PIK3CB: variants seen among roughly 807,000 people sequenced by gnomAD.
The protein encoded by PIK3CB is phosphatidylinositol-4,5-bisphosphate 3-kinase catalytic subunit beta.
A neutral mutation model predicts 136.8 loss-of-function variants in PIK3CB; 39 were observed. The ratio of observed to expected loss-of-function variants is 0.29; its 90% CI spans 0.22 to 0.37. The LOEUF is 0.37. Among genes scored for constraint, PIK3CB ranks in the 10% least tolerant of loss-of-function variants. The pLI is 1.00. For synonymous variants in PIK3CB, 428 were observed against 436.6 expected, an observed-to-expected ratio of 0.98 and a Z score of 0.25; for missense variants, 868 against 1,275.4, an observed-to-expected ratio of 0.68 and a Z score of 4.87.
intron 1 of PIK3CB, among the ~76,000 whole-genome samples, chr3:138,826,642 A>G (rs1933797943): frequency 6.6e-6 from 1 of 152,092 alleles, no homozygotes; most frequent in Non-Finnish European, 1.5e-5. Context: ...TGAGAAAAAA[A>G]AAAAAGATAT....
At chr3:138,731,111 C>T (rs1469455123) in intron 8 of PIK3CB, among the ~76,000 whole-genome samples, 1 of 152,114 alleles carries the variant, frequency 6.6e-6, no homozygotes, top group Non-Finnish European at 1.5e-5. Flanking sequence ...ACAACCAAAA[C>T]CCCTTTAATT....
intron 20 of PIK3CB, 58 bp from the exon 21 acceptor site, chr3:138,664,087 T>A: frequency 6.3e-7 from 1 of 1,585,682 alleles, no homozygotes; most frequent in South Asian, 1.1e-5. Flanking sequence ...GCGTGTAGAG[T>A]GAGACCCAAA....
chr3:138,749,011 AAC>A (rs928644471), intron 4 of PIK3CB, among the ~76,000 whole-genome samples: 9 of 152,158 alleles, frequency 5.9e-5, no homozygotes, highest in African/African-American at 1.9e-4. Flanking sequence ...AGAAAAATAA[AAC>A]ACAGCAAAGG....
rs2043957785 is a variant in PIK3CB, at chr3:138,689,245, G to A, written c.2037-271C>T. ...AAAAAGTGTAGCTAGATGTCGCTAG[G>A]TGACTAGGTTCTAGCCAACAGGATG... On this transcript the variant is annotated intron_variant, in intron 15 of 23. Transcript: ENST00000674063. 2.0e-5 allele frequency among the ~76,000 whole-genome samples: 3 copies of A among 152,126 alleles called. No homozygotes were observed. In the South Asian group the frequency reaches 6.2e-4, roughly 32 times the overall value.
chr3:138,783,291 ATTTT>A (rs947038912), intron 2 of PIK3CB, among the ~76,000 whole-genome samples: 1 of 149,854 alleles, frequency 6.7e-6, no homozygotes, highest in South Asian at 2.1e-4. Flanking sequence ...TTTTTTTTTA[ATTTT>A]TTTTGGGACA....
At position 138,832,467 on chromosome 3, in the gene PIK3CB, G is replaced by A. The variant is rs528405307; in HGVS notation, c.-122+2228C>T. On this transcript the variant is annotated intron_variant, in intron 1 of 23. Coordinates refer to ENST00000674063, the MANE Select transcript of PIK3CB (RefSeq NM_006219.3). ...AGCATTTTGGGAGGCCCAGGCTGGC[G>A]GATCATTTGAGCCCAGGAGATCAAG... is the stretch of plus-strand genomic sequence containing the variant. Among the ~76,000 whole-genome samples the A allele has an allele frequency of 3.3e-5, 5 of 152,116 alleles. No individual in the cohort carries two copies. In the South Asian group the frequency reaches 1.0e-3, roughly 32 times the overall value.
rs193209851 is a variant in PIK3CB at position 138,794,898 on chromosome 3, G to A, written c.-17+1565C>T. Among the ~76,000 whole-genome samples the A allele has an allele frequency of 1.1e-3, 171 of 152,196 alleles. 1 individual carries two copies. The highest frequency in any genetic ancestry group is 4.0e-3 in the African/African-American group (168 of 41,538). ...GTATACTTTAAATCACCTCTTGCTG[G>A]GTGAGCCTGGTGGCTTACACCTGTA... On this transcript the variant is annotated intron_variant, in intron 2 of 23. Transcript: ENST00000674063.
chr3:138,827,540 G>T (rs1933835930), intron 1 of PIK3CB, among the ~76,000 whole-genome samples: 1 of 152,010 alleles, frequency 6.6e-6, no homozygotes, highest in African/African-American at 2.4e-5. Context: ...AGGCATGATG[G>T]TATATGCCTA....
chr3:138,780,642 T>TAA (rs10676431), intron 2 of PIK3CB, among the ~76,000 whole-genome samples: 126,642 of 152,002 alleles, frequency 0.83, 53,446 homozygotes, highest in East Asian at 0.99. Flanking sequence ...GTGGGCTAAA[T>TAA]GTTTTTAAAA....
At chr3:138,770,381 C>T (rs921726190) in intron 2 of PIK3CB, 2 of 152,082 alleles carry the variant, frequency 1.3e-5, no homozygotes, top group African/African-American at 4.8e-5. Flanking sequence ...TATAGGTGAA[C>T]AAATTCAACC....
At chr3:138,823,392 T>C (rs115620621) in intron 1 of PIK3CB, among the ~76,000 whole-genome samples, 2,229 of 151,784 alleles carry the variant, frequency 0.015, 50 homozygotes, top group Middle Eastern at 0.048. Flanking sequence ...GATGTAGTAG[T>C]AGACTGGCTA....
At chr3:138,787,891 G>T (rs1280286672) in intron 2 of PIK3CB, among the ~76,000 whole-genome samples, 1 of 149,130 alleles carries the variant, frequency 6.7e-6, no homozygotes, top group African/African-American at 2.5e-5. Context: ...TAATTCCTGT[G>T]AAAATCTCTC....
At chr3:138,734,963 T>G (rs2045072839) in intron 6 of PIK3CB, among the ~76,000 whole-genome samples, 159 bp from the exon 7 acceptor site, 1 of 150,846 alleles carries the variant, frequency 6.6e-6, no homozygotes, top group African/African-American at 2.4e-5. Context: ...TTTTTTTTTT[T>G]TTTTTTTGAG....
At chr3:138,685,413 A>AG (rs2043864853) in intron 16 of PIK3CB, among the ~76,000 whole-genome samples, 1 of 147,150 alleles carries the variant, frequency 6.8e-6, no homozygotes, top group African/African-American at 2.5e-5. Context: ...AAAAAAAAAA[A>AG]AAAAAAAAAA....
chr3:138,693,945 A>ATAT (rs2044066928), intron 14 of PIK3CB, among the ~76,000 whole-genome samples: 1 of 35,936 alleles, frequency 2.8e-5, no homozygotes, highest in Non-Finnish European at 4.3e-5. Context: ...AAATATATAT[A>ATAT]TATATATATA....
At chr3:138,745,399 A>C (rs1401922777) in intron 4 of PIK3CB, among the ~76,000 whole-genome samples, 1 of 152,106 alleles carries the variant, frequency 6.6e-6, no homozygotes, top group African/African-American at 2.4e-5. Context: ...TTGGGAGGCC[A>C]AGGTGGGGGG....
intron 10 of PIK3CB, among the ~76,000 whole-genome samples, chr3:138,708,319 G>T (rs1194299032): frequency 6.8e-6 from 1 of 146,388 alleles, no homozygotes; most frequent in Admixed American, 6.9e-5. Context: ...GGGGTGCAGT[G>T]GCATGATCTT....
intron 1 of PIK3CB, among the ~76,000 whole-genome samples, chr3:138,797,481 C>A (rs1351534465): frequency 6.6e-6 from 1 of 152,100 alleles, no homozygotes. Context: ...ACATATATTA[C>A]AATTATTTTT....
chr3:138,722,651 T>C (rs1372272835), intron 8 of PIK3CB, among the ~76,000 whole-genome samples: 2 of 147,420 alleles, frequency 1.4e-5, no homozygotes, highest in African/African-American at 2.5e-5. Context: ...AACTCAGGTA[T>C]AGGAAATGAA....
Sources: allele counts gnomAD v4.1 joint callset (sites outside exome capture counted in the v4.1 genomes callset), GRCh38; gene constraint gnomAD v4.1.1; transcripts MANE v1.5; gene names NCBI Gene and HGNC (gene_info 2026-07-23, HGNC 2026-07-21).